The following HIP1R variants were observed in gnomAD, a reference collection of about 807,000 sequenced individuals.
The protein encoded by HIP1R is huntingtin interacting protein 1 related, also known as huntingtin-interacting protein 1-related protein.
HIP1R carries 135 observed loss-of-function variants against 144.2 expected under a neutral mutation model. That is an observed-to-expected ratio of 0.94 (90% CI 0.81 to 1.08). The LOEUF (loss-of-function observed/expected upper bound fraction) is 1.08, where lower values mean the gene tolerates loss of function less well. Ranked by LOEUF, HIP1R falls within the 50% of genes least tolerant of loss-of-function variation. HIP1R has a pLI of 0.00. For missense variants in HIP1R, 1,462 were observed against 1,432.8 expected (o/e 1.02, Z -0.33); for synonymous variants, 698 against 612.8 (o/e 1.14, Z -2.05).
chr12:122,843,804 TC>T (rs1224964193), intron 1 of HIP1R, among the ~76,000 whole-genome samples: 1 of 152,214 alleles, frequency 6.6e-6, no homozygotes, highest in East Asian at 1.9e-4. Context: ...CTGCGGACCC[TC>T]CAACTCCCTT....
At chr12:122,851,840 G>A (rs1392316857) in intron 7 of HIP1R, among the ~76,000 whole-genome samples, 1 of 152,170 alleles carries the variant, frequency 6.6e-6, no homozygotes, top group Non-Finnish European at 1.5e-5. Context: ...TCCAGTGAGT[G>A]TCACTCCATC....
At chr12:122,841,371 A>G (rs1394342292) in intron 1 of HIP1R, among the ~76,000 whole-genome samples, 4 of 152,156 alleles carry the variant, frequency 2.6e-5, no homozygotes, top group East Asian at 1.9e-4. Context: ...GGAGTGTGTC[A>G]TCTCCTTGCC....
At position 122,841,302 on chromosome 12, in the gene HIP1R, G is replaced by A. The variant is rs74504766; in HGVS notation, c.93+5659G>A. Among the ~76,000 whole-genome samples the A allele has an allele frequency of 1.3e-3, 194 of 152,374 alleles. 1 individual carries two copies. The highest frequency in any genetic ancestry group is 4.4e-3 in the African/African-American group (184 of 41,586). ...ACGCTGTGGCTGGCCCAGCAGAGCG[G>A]GAGGAAGCAGACAGACATGGGGTGG... On this transcript the variant is annotated intron_variant, in intron 1 of 31. Transcript: ENST00000253083.
At chr12:122,839,305 A>C (rs2135628827) in intron 1 of HIP1R, among the ~76,000 whole-genome samples, 1 of 152,348 alleles carries the variant, frequency 6.6e-6, no homozygotes, top group South Asian at 2.1e-4. Flanking sequence ...ATGGAGATCA[A>C]GCCCAGAAGA....
intron 1 of HIP1R, among the ~76,000 whole-genome samples, chr12:122,843,521 A>G (rs2033117947): frequency 6.6e-6 from 1 of 152,214 alleles, no homozygotes; most frequent in Non-Finnish European, 1.5e-5. Context: ...ACACTTGGCG[A>G]TGCCAGCTAT....
At chr12:122,856,195 G>GGT (rs774911071) in intron 14 of HIP1R, 32 bp downstream of exon 14, 9 of 1,612,020 alleles carry the variant, frequency 5.6e-6, no homozygotes, top group Non-Finnish European at 7.6e-6. Flanking sequence ...GGGGTCCAAG[G>GGT]GTGTGTCCCC....
In HIP1R at chr12:122,840,839, C is replaced by T. The variant is rs2033036870; in HGVS notation, c.93+5196C>T. On this transcript the variant is annotated intron_variant, in intron 1 of 31. Transcript: ENST00000253083. This position sits in a 1 kb window ranked among gnomAD's most constrained non-coding sequence, Gnocchi z 4.2. ...GGAGGATATTCTGGGGGACGACAGC[C>T]TCAGGAGGTGCAGACAAAGCCAGCA... Among the ~76,000 whole-genome samples the T allele has an allele frequency of 6.6e-6, 1 of 152,162 alleles. No individual in the cohort carries two copies. Among genetic ancestry groups the T allele is most frequent in the Admixed American group, 6.5e-5 (1 of 15,274 alleles).
Position 122,840,910 on chromosome 12 carries a change from C to T in HIP1R, c.93+5267C>T, listed in dbSNP as rs1051778650. Among the ~76,000 whole-genome samples, 17 of 152,162 alleles carry T rather than the reference C, an allele frequency of 1.1e-4. No individual in the cohort carries two copies. Among genetic ancestry groups the T allele is most frequent in the African/African-American group, 3.4e-4 (14 of 41,438 alleles). On this transcript the variant is annotated intron_variant, in intron 1 of 31. Transcript: ENST00000253083. The surrounding 1 kb of genome is among the most constrained non-coding windows in gnomAD (Gnocchi z 4.2). ...TGCTCACCCTCTGAATAGGGACAGG[C>T]GCAGACGAGGCCCCTTCTCTGACCT...
chr12:122,858,238 C>G lies in HIP1R; in HGVS notation c.1952C>G (p.Thr651Ser). The stretch of plus-strand genomic sequence containing the variant: ...GACGACCCCCTGCACCTGCGCTGTA[C>G]CAGCTCCCCAGGTAGACAGTGGGGC... The part of the protein sequence containing the change: ...KLDDPLHLRC[T>S]SSPDYLVSRA... The change falls in exon 19 of 32, where the codon ACC becomes AGC. Residue 651 changes from threonine to serine, a missense_variant. Physicochemically the swap from Thr to Ser is moderately conservative, Grantham distance 58 (BLOSUM62 1). Around this residue, in one of 2 missense-constraint regions of HIP1R, gnomAD observed 1,112 missense variants for 1,011.7 expected, o/e 1.10. Transcript: ENST00000253083. The G allele has an allele frequency of 1.3e-6, 2 of 1,593,560 alleles. No homozygotes were observed. Among genetic ancestry groups the G allele is most frequent in the Non-Finnish European group, 1.7e-6 (2 of 1,166,560 alleles).
intron 11 of HIP1R, 25 bp from the exon 12 acceptor site, chr12:122,855,526 G>C (rs1307368338): frequency 1.3e-6 from 2 of 1,549,432 alleles, no homozygotes; most frequent in African/African-American, 2.7e-5. Flanking sequence ...CAGGTGAGTG[G>C]GGTCACCATG....
In HIP1R at chr12:122,856,352, C is replaced by T. The variant is rs1158512870; in HGVS notation, c.1401+8C>T. On this transcript the variant is annotated splice_region_variant and intron_variant, in intron 15 of 31. Transcript: ENST00000253083. ...GCGGAGCTGCTCAGAAAGGTAGGTG[C>T]AGCCCATCCTCCATCCCAGCCGGTG... The T allele has an allele frequency of 2.5e-6, 4 of 1,613,626 alleles. No homozygotes were observed. In the South Asian group the frequency reaches 3.3e-5, roughly 13 times the overall value.
In HIP1R at chr12:122,859,849, C is replaced by T. The variant is rs1419279635; in HGVS notation, c.2465+19C>T. The T allele has an allele frequency of 1.9e-6, 3 of 1,608,870 alleles. No homozygotes were observed. The highest frequency in any genetic ancestry group is 3.4e-5 in the Admixed American group (2 of 59,602). On this transcript the variant is annotated intron_variant, in intron 24 of 31. Transcript: ENST00000253083. ...ACGAGAGGTGAGCCCCCCTTCTGTC[C>T]CCCCAGGCCCAGCCGAGGTGGGCTC...
At position 122,854,082 on chromosome 12, in the gene HIP1R, T is replaced by G; in HGVS notation, c.617T>G (p.Met206Arg). 1 of 1,613,848 alleles carries G rather than the reference T, an allele frequency of 6.2e-7. No homozygotes were observed. The highest frequency in any genetic ancestry group is 1.3e-5 in the African/African-American group (1 of 75,042). The change falls in exon 8 of 32, where the codon ATG (methionine) becomes AGG (arginine). Residue 206 changes from methionine to arginine, a missense_variant. Around this residue, in one of 2 missense-constraint regions of HIP1R, gnomAD observed 350 missense variants for 421.1 expected, o/e 0.83. Transcript: ENST00000253083. Reference protein sequence around the residue: ...QLNTAIAVSQMSSGQCRLAPL... With the variant: ...QLNTAIAVSQRSSGQCRLAPL... ...AACACGGCCATCGCCGTATCCCAGA[T>G]GTCCTCAGGCCAGTGCCGCCTGGCC...
At position 122,850,908 on chromosome 12, in the gene HIP1R, A is replaced by G. The variant is rs140741256; in HGVS notation, c.512A>G (p.Asn171Ser). Reference protein sequence around the residue: ...LEKAAGTDVNNIFQLTVEMFD... With the variant: ...LEKAAGTDVNSIFQLTVEMFD... Reference sequence around the variant, plus strand: ...AAGGCAGCTGGGACCGATGTCAACAACATGTGAGTCACTCTGCATGGCTAC... The same window carrying G: ...AAGGCAGCTGGGACCGATGTCAACAGCATGTGAGTCACTCTGCATGGCTAC... The change falls in exon 6 of 32, where the codon AAC becomes AGC. Residue 171 changes from asparagine (N) to serine (S), a missense_variant. Coordinates refer to ENST00000253083, the MANE Select transcript of HIP1R (RefSeq NM_003959.3). The G allele has an allele frequency of 2.1e-5, 34 of 1,610,250 alleles. No individual in the cohort carries two copies. Among genetic ancestry groups the G allele is most frequent in the Non-Finnish European group, 2.6e-5 (31 of 1,178,484 alleles).
intron 1 of HIP1R, among the ~76,000 whole-genome samples, chr12:122,839,124 C>T (rs1169517362): frequency 6.6e-6 from 1 of 152,256 alleles, no homozygotes; most frequent in African/African-American, 2.4e-5. Flanking sequence ...TTTCTCCCTT[C>T]CCTTCCTCGG....
At position 122,858,920 on chromosome 12, in the gene HIP1R, C is replaced by T; in HGVS notation, c.2133C>T (p.His711=). The change falls in exon 21 of 32, where the codon CAC becomes CAT. Residue 711 remains histidine, a synonymous_variant. Transcript: ENST00000253083. The stretch of plus-strand genomic sequence containing the variant: ...TCATCAATGGCGGTGCCACCTCGCA[C>T]CTGGCTCCCACCGACCCTGCCGACC... ...DTIINGGATS[H]LAPTDPADRL... is the part of the protein sequence containing the mutation. 1.2e-6 allele frequency: 2 copies of T among 1,613,102 alleles called. No homozygotes were observed. The highest frequency in any genetic ancestry group is 4.5e-5 in the East Asian group (2 of 44,866).
chr12:122,843,503 G>A (rs1263526625), intron 1 of HIP1R, among the ~76,000 whole-genome samples: 2 of 152,232 alleles, frequency 1.3e-5, no homozygotes, highest in Admixed American at 1.3e-4. Flanking sequence ...CATAGAGTAT[G>A]TTCTTACACA....
At chr12:122,841,728 G>T (rs929017341) in intron 1 of HIP1R, among the ~76,000 whole-genome samples, 1 of 152,172 alleles carries the variant, frequency 6.6e-6, no homozygotes, top group East Asian at 1.9e-4. Flanking sequence ...GAATGAAACT[G>T]CACGACCTGG....
chr12:122,850,037 G>A (rs774937442), intron 5 of HIP1R, 82 bp downstream of exon 5: 29 of 924,566 alleles, frequency 3.1e-5, no homozygotes, highest in Middle Eastern at 4.2e-4. Context: ...TTGGGACATC[G>A]AGGGTGGGAT....
Sources: gnomAD v4.1 joint callset for allele counts (sites outside exome capture counted in the v4.1 genomes callset) on GRCh38, gnomAD v4.1.1 for gene constraint, gnomAD v4.1.1 regional missense constraint, Gnocchi (gnomAD v3.1) non-coding constraint, MANE v1.5 for transcripts, NCBI Gene and HGNC (gene_info 2026-07-23, HGNC 2026-07-21) for gene names.